Variants in ZNF407 observed in about 807,000 individuals in gnomAD.
ZNF407 encodes the protein zinc finger protein 407.
A neutral mutation model predicts 131.2 loss-of-function variants in ZNF407; 17 were observed. That is an observed-to-expected ratio of 0.13 (90% CI 0.09 to 0.19). The LOEUF (loss-of-function observed/expected upper bound fraction) is 0.19, where lower values mean the gene tolerates loss of function less well. ZNF407 is among the 10% of genes least tolerant of loss of function. The pLI is 1.00. For synonymous variants in ZNF407, 1,156 were observed against 1,062.0 expected (o/e 1.09, Z -1.72); for missense variants, 2,681 against 2,830.6 (o/e 0.95, Z 1.20).
intron 8 of ZNF407, among the ~76,000 whole-genome samples, chr18:74,969,919 G>A (rs950036481): frequency 2.6e-5 from 4 of 152,116 alleles, no homozygotes; most frequent in East Asian, 1.9e-4. Flanking sequence ...CCGTTTGCAC[G>A]CTGTTGATAA....
intron 7 of ZNF407, among the ~76,000 whole-genome samples, chr18:74,920,107 A>C (rs1022677502): frequency 5.9e-5 from 9 of 152,314 alleles, no homozygotes; most frequent in Middle Eastern, 3.4e-3. Flanking sequence ...CTTAAAAGCC[A>C]AAGTGTCTTT....
intron 8 of ZNF407, among the ~76,000 whole-genome samples, chr18:75,007,226 A>T (rs1459544901): frequency 1.7e-5 from 1 of 59,430 alleles, no homozygotes; most frequent in African/African-American, 4.0e-5. Flanking sequence ...TTGTATTTCT[A>T]TTTCTCTTTT....
At chr18:74,655,244 T>G (rs964495538) in intron 3 of ZNF407, among the ~76,000 whole-genome samples, 3 of 152,174 alleles carry the variant, frequency 2.0e-5, no homozygotes, top group Non-Finnish European at 2.9e-5. Flanking sequence ...TTAACACTTG[T>G]GTTGGCTAAG....
intron 8 of ZNF407, among the ~76,000 whole-genome samples, chr18:74,950,055 G>T (rs1391839008): frequency 1.3e-5 from 2 of 152,180 alleles, no homozygotes; most frequent in African/African-American, 2.4e-5. Flanking sequence ...ATGGGAAATG[G>T]GTGGTGGAAG....
intron 4 of ZNF407, among the ~76,000 whole-genome samples, chr18:74,802,569 C>A (rs991770375): frequency 1.3e-5 from 2 of 152,108 alleles, no homozygotes; most frequent in Non-Finnish European, 2.9e-5. Flanking sequence ...TGTAAGATTT[C>A]AGAGAAATTT....
intron 4 of ZNF407, among the ~76,000 whole-genome samples, chr18:74,858,481 T>C (rs1970891498): frequency 6.6e-6 from 1 of 152,218 alleles, no homozygotes; most frequent in South Asian, 2.1e-4. Flanking sequence ...TTAGTATAGC[T>C]TGAATTTGGC....
At chr18:74,769,114 G>A (rs1181608840) in intron 3 of ZNF407, among the ~76,000 whole-genome samples, 5 of 152,100 alleles carry the variant, frequency 3.3e-5, no homozygotes, top group Admixed American at 3.3e-4. Flanking sequence ...AATCTTCATA[G>A]CAACCCTAGG....
rs747379230 is a variant in ZNF407 at position 75,063,925 on chromosome 18, T to C, written c.6204T>C (p.Ser2068=). Residue 2068 remains serine (S), a synonymous_variant, in exon 9 of 9, where the codon TCT becomes TCC. Coordinates refer to ENST00000299687, the MANE Select transcript of ZNF407 (RefSeq NM_017757.3). The surrounding 1 kb of genome is among the most constrained non-coding windows in gnomAD (Gnocchi z 6.6). ...TCCATCCCTCAGCAGCCATGGCCTC[T>C]CAGGAGCGGGCACAGGTGGCCTTCA... is the stretch of plus-strand genomic sequence containing the variant. ...QVVHPSAAMA[S]QERAQVAFKK... is the part of the protein sequence containing the mutation. 18 of 1,613,510 alleles carry C rather than the reference T, an allele frequency of 1.1e-5. No homozygotes were observed. Among genetic ancestry groups the C allele is most frequent in the Non-Finnish European group, 1.5e-5 (18 of 1,179,856 alleles).
In ZNF407 at chr18:74,633,198, C is replaced by T. The variant is rs745947982; in HGVS notation, c.2179C>T (p.Arg727Trp). ...STVLTRHIKLRHGQDYHFLCK... is the reference protein window; with the variant it reads ...STVLTRHIKLWHGQDYHFLCK... ...TGTTCTCACGAGACATATAAAGCTT[C>T]GGCATGGTCAAGACTATCATTTTCT... Residue 727 changes from arginine (R) to tryptophan (W), a missense_variant, in exon 2 of 9, where the codon CGG becomes TGG. By Grantham distance (101) the Arg-to-Trp change is moderately radical (BLOSUM62 -3). Coordinates refer to ENST00000299687, the MANE Select transcript of ZNF407 (RefSeq NM_017757.3). 20 of 1,613,686 alleles carry T rather than the reference C, an allele frequency of 1.2e-5. No homozygotes were observed. In the Admixed American group the frequency reaches 1.5e-4, roughly 12 times the overall value.
intron 8 of ZNF407, among the ~76,000 whole-genome samples, chr18:75,040,407 G>T (rs751478731): frequency 9.2e-5 from 14 of 152,138 alleles, no homozygotes; most frequent in Non-Finnish European, 1.9e-4. Flanking sequence ...AAGATACTGG[G>T]TATTGATCTG....
Position 74,963,673 on chromosome 18 carries a change from T to C in ZNF407, c.5428+42981T>C, listed in dbSNP as rs973045769. ...TGAAAGCAAATTATTCCACATTTTA[T>C]TGTTTTTACATTCAGCTTTTTAAAC... On this transcript the variant is annotated intron_variant, in intron 8 of 8. Coordinates refer to ENST00000299687, the MANE Select transcript of ZNF407 (RefSeq NM_017757.3). 3.3e-5 allele frequency among the ~76,000 whole-genome samples: 5 copies of C among 152,388 alleles called. No individual in the cohort carries two copies. In the South Asian group the frequency reaches 1.0e-3, roughly 32 times the overall value.
At chr18:74,704,753 CACTT>C (rs1373312650) in intron 3 of ZNF407, among the ~76,000 whole-genome samples, 1 of 152,184 alleles carries the variant, frequency 6.6e-6, no homozygotes, top group African/African-American at 2.4e-5. Context: ...GCATTAGAAA[CACTT>C]AGTGTTTCTG....
At chr18:74,796,744 T>C (rs1969927364) in intron 4 of ZNF407, among the ~76,000 whole-genome samples, 1 of 152,174 alleles carries the variant, frequency 6.6e-6, no homozygotes, top group Admixed American at 6.6e-5. Context: ...AAGCTTGTTC[T>C]CTGGGTTTGA....
At chr18:74,880,917 T>G in intron 5 of ZNF407, 119 bp from the exon 6 acceptor site, 1 of 847,328 alleles carries the variant, frequency 1.2e-6, no homozygotes, top group Non-Finnish European at 1.9e-6. Context: ...TTCATTCCCA[T>G]TTGACATATT....
At chr18:74,880,230 C>T (rs1354154887) in intron 5 of ZNF407, among the ~76,000 whole-genome samples, 1 of 152,136 alleles carries the variant, frequency 6.6e-6, no homozygotes, top group African/African-American at 2.4e-5. Flanking sequence ...AGATAGATTG[C>T]ATTTATAAAC....
chr18:74,804,243 G>A (rs1279167466), intron 4 of ZNF407: 3 of 1,224,810 alleles, frequency 2.4e-6, no homozygotes, highest in Non-Finnish European at 1.0e-6. Flanking sequence ...TTTTCTGGAA[G>A]GAACTGTTAT....
intron 3 of ZNF407, among the ~76,000 whole-genome samples, chr18:74,727,956 T>C (rs1222289741): frequency 2.0e-5 from 3 of 152,150 alleles, no homozygotes; most frequent in Non-Finnish European, 4.4e-5. Flanking sequence ...GATGAGCTTT[T>C]TGCTTCAGTG....
intron 3 of ZNF407, among the ~76,000 whole-genome samples, chr18:74,756,461 T>C (rs1968965783): frequency 6.6e-6 from 1 of 152,320 alleles, no homozygotes; most frequent in East Asian, 1.9e-4. Context: ...TGGGATTTCT[T>C]TCTATTTACT....
intron 3 of ZNF407, among the ~76,000 whole-genome samples, chr18:74,721,296 CT>C (rs1333591583): frequency 1.3e-5 from 2 of 151,970 alleles, no homozygotes; most frequent in African/African-American, 4.8e-5. Context: ...TCTTTTTCAG[CT>C]ACTTCACTGT....
Sources: gnomAD v4.1 joint callset for allele counts (sites outside exome capture counted in the v4.1 genomes callset) on GRCh38, gnomAD v4.1.1 for gene constraint, Gnocchi (gnomAD v3.1) non-coding constraint, MANE v1.5 for transcripts, NCBI Gene and HGNC (gene_info 2026-07-23, HGNC 2026-07-21) for gene names.